HS6ST1: variants seen among roughly 807,000 people sequenced by gnomAD.
The protein encoded by HS6ST1 is heparan-sulfate 6-O-sulfotransferase 1.
HS6ST1 carries 3 observed loss-of-function variants against 25.2 expected under a neutral mutation model. The observed-to-expected ratio is 0.12, with a 90% CI of 0.05 to 0.31. HS6ST1 has a LOEUF of 0.31. HS6ST1 is among the 10% of genes least tolerant of loss of function. The pLI, the probability that HS6ST1 is intolerant of heterozygous loss-of-function variation, is 1.00. For missense variants in HS6ST1, 310 were observed against 609.6 expected, an observed-to-expected ratio of 0.51 and a Z score of 5.18; for synonymous variants, 204 against 275.1, an observed-to-expected ratio of 0.74 and a Z score of 2.56.
At chr2:128,275,152 T>C (rs1693674532) in intron 1 of HS6ST1, among the ~76,000 whole-genome samples, 4 of 151,986 alleles carry the variant, frequency 2.6e-5, no homozygotes, top group Admixed American at 2.6e-4. Context: ...AATAATTAAT[T>C]CCAGGAAAAA....
intron 1 of HS6ST1, among the ~76,000 whole-genome samples, chr2:128,287,362 C>A (rs935928227): frequency 2.6e-5 from 4 of 151,872 alleles, no homozygotes; most frequent in African/African-American, 7.2e-5. Context: ...GGGACAGCTG[C>A]CCCCCCTACT....
intron 1 of HS6ST1, among the ~76,000 whole-genome samples, chr2:128,315,986 C>A (rs1694357353): frequency 6.6e-6 from 1 of 152,250 alleles, no homozygotes; most frequent in African/African-American, 2.4e-5. Context: ...AAGCCCCTCC[C>A]AACCCTGGCG....
intron 1 of HS6ST1, among the ~76,000 whole-genome samples, chr2:128,301,148 C>T (rs1252018700): frequency 6.6e-6 from 1 of 152,118 alleles, no homozygotes; most frequent in Non-Finnish European, 1.5e-5. Context: ...TCTAGCCGCC[C>T]CTCTGTGTGG....
intron 1 of HS6ST1, among the ~76,000 whole-genome samples, chr2:128,291,402 C>T (rs1273436535): frequency 6.6e-6 from 1 of 152,224 alleles, no homozygotes; most frequent in Non-Finnish European, 1.5e-5. Flanking sequence ...TTTGGGGCGG[C>T]CATGGCACTG....
chr2:128,285,556 A>C (rs1693847848), intron 1 of HS6ST1, among the ~76,000 whole-genome samples: 1 of 152,004 alleles, frequency 6.6e-6, no homozygotes, highest in South Asian at 2.1e-4. Context: ...TGCACTGTGC[A>C]GGGAAGGTTC....
At chr2:128,304,738 C>T (rs1489363211) in intron 1 of HS6ST1, among the ~76,000 whole-genome samples, 2 of 152,240 alleles carry the variant, frequency 1.3e-5, no homozygotes, top group Non-Finnish European at 2.9e-5. Context: ...TGTGTCCCAT[C>T]AGAGTGCTCA....
chr2:128,272,154 G>A (rs550254699), intron 1 of HS6ST1, among the ~76,000 whole-genome samples: 22 of 152,202 alleles, frequency 1.4e-4, no homozygotes, highest in Non-Finnish European at 2.6e-4. Flanking sequence ...AAAGCTCAGG[G>A]CCTCTGCCGT....
chr2:128,280,238 A>G (rs1353669464), intron 1 of HS6ST1, among the ~76,000 whole-genome samples: 1 of 152,232 alleles, frequency 6.6e-6, no homozygotes, highest in Non-Finnish European at 1.5e-5. Flanking sequence ...GTGGGGTGGA[A>G]GCCGCTGAGC....
At chr2:128,279,846 A>G (rs1330408734) in intron 1 of HS6ST1, among the ~76,000 whole-genome samples, 1 of 152,106 alleles carries the variant, frequency 6.6e-6, no homozygotes, top group Non-Finnish European at 1.5e-5. Flanking sequence ...CAGAGAGGCA[A>G]CCTGGGAGAA....
intron 1 of HS6ST1, among the ~76,000 whole-genome samples, chr2:128,293,244 C>T (rs1469907882): frequency 4.6e-5 from 7 of 152,276 alleles, no homozygotes; most frequent in Admixed American, 2.6e-4. Flanking sequence ...AGGGGCATGT[C>T]ACACAATATG....
At position 128,318,459 on chromosome 2, in the gene HS6ST1, G is replaced by A. The variant is rs1237863070; in HGVS notation, c.105C>T (p.Tyr35=). ...CGCCCAGGCTCAGTCCTGGGCCCGC[G>A]TACTGGTACAAGATGAGCATGAAGC... is the stretch of plus-strand genomic sequence containing the variant. ...SVCFMLILYQ[Y]AGPGLSLGAP... Residue 35 remains tyrosine, a synonymous_variant, in exon 1 of 2, where the codon TAC becomes TAT. Transcript: ENST00000259241. This position sits in a 1 kb window ranked among gnomAD's most constrained non-coding sequence, Gnocchi z 5.7. 2 of 1,583,324 alleles carry A rather than the reference G, an allele frequency of 1.3e-6. No homozygotes were observed. Among genetic ancestry groups the A allele is most frequent in the Non-Finnish European group, 8.6e-7 (1 of 1,168,076 alleles).
rs951722017 is a variant in HS6ST1 at position 128,276,437 on chromosome 2, G to T, written c.528-7567C>A. Among the ~76,000 whole-genome samples, 40 of 152,214 alleles carry T rather than the reference G, an allele frequency of 2.6e-4. 1 individual carries two copies. In the East Asian group the frequency reaches 2.7e-3, roughly 10 times the overall value. On this transcript the variant is annotated intron_variant, in intron 1 of 1. Transcript: ENST00000259241. ...AGGCGTGAGCCACTGAGCCCGGCCTGTTTTTTTAAAAAAGTGATGAGCTGA... is the reference window on the plus strand; with the variant it reads ...AGGCGTGAGCCACTGAGCCCGGCCTTTTTTTTTAAAAAAGTGATGAGCTGA...
chr2:128,281,723 T>G (rs1693789427), intron 1 of HS6ST1, among the ~76,000 whole-genome samples: 1 of 152,134 alleles, frequency 6.6e-6, no homozygotes, highest in South Asian at 2.1e-4. Context: ...ATCCATCTAT[T>G]CAGGGAGATA....
intron 1 of HS6ST1, among the ~76,000 whole-genome samples, chr2:128,300,664 T>C (rs1167854520): frequency 6.6e-6 from 1 of 152,164 alleles, no homozygotes; most frequent in Non-Finnish European, 1.5e-5. Context: ...GCGGACCACC[T>C]TGAGTTACGC....
chr2:128,301,372 AC>A (rs1477866187), intron 1 of HS6ST1, among the ~76,000 whole-genome samples: 1 of 152,050 alleles, frequency 6.6e-6, no homozygotes, highest in Non-Finnish European at 1.5e-5. Context: ...GCTCCAGGCT[AC>A]CCTTCCTGTG....
intron 1 of HS6ST1, among the ~76,000 whole-genome samples, chr2:128,313,515 C>T (rs1425015311): frequency 2.0e-5 from 3 of 152,138 alleles, no homozygotes; most frequent in Admixed American, 1.3e-4. Context: ...CTCATACTTT[C>T]CTCCCACTCA....
Position 128,266,273 on chromosome 2 carries a change from C to G in HS6ST1, c.*1889G>C, listed in dbSNP as rs1448706670. 6.6e-6 allele frequency: 1 copy of G among 152,310 alleles called. No homozygotes were observed. Among genetic ancestry groups the G allele is most frequent in the South Asian group, 2.1e-4 (1 of 4,832 alleles). The allele number at this position is 152,310 out of a possible 1,614,324, so 9.4% of individuals were successfully genotyped here. ...TGTTCCTCCTCCTCCAAGGAGTGCACCCACCCCCATGTTGAGTGTCCGAGC... is the reference window on the plus strand; with the variant it reads ...TGTTCCTCCTCCTCCAAGGAGTGCAGCCACCCCCATGTTGAGTGTCCGAGC... On this transcript the variant is annotated 3_prime_UTR_variant, in exon 2 of 2. Transcript: ENST00000259241.
At chr2:128,299,884 AAC>A (rs1463100571) in intron 1 of HS6ST1, among the ~76,000 whole-genome samples, 3 of 152,168 alleles carry the variant, frequency 2.0e-5, no homozygotes, top group Non-Finnish European at 4.4e-5. Context: ...AGACGGAGGA[AAC>A]ACAGCTTGTG....
At chr2:128,304,350 C>T (rs879525979) in intron 1 of HS6ST1, among the ~76,000 whole-genome samples, 3 of 152,226 alleles carry the variant, frequency 2.0e-5, no homozygotes, top group Non-Finnish European at 4.4e-5. Context: ...CTGGGTCTCC[C>T]TGTGTGGGTG....
Sources: allele counts gnomAD v4.1 joint callset (sites outside exome capture counted in the v4.1 genomes callset), GRCh38; gene constraint gnomAD v4.1.1; non-coding constraint Gnocchi (gnomAD v3.1); transcripts MANE v1.5; gene names NCBI Gene and HGNC (gene_info 2026-07-23, HGNC 2026-07-21).